MYT1L: variants seen among roughly 807,000 people sequenced by gnomAD.
MYT1L encodes myelin transcription factor 1-like protein.
In MYT1L, 12 loss-of-function variants were observed where a neutral mutation model predicts 126.7. The ratio of observed to expected loss-of-function variants is 0.09; its 90% CI spans 0.06 to 0.15. MYT1L has a LOEUF of 0.15. Among genes scored for constraint, MYT1L ranks in the 10% least tolerant of loss-of-function variants. MYT1L has a pLI of 1.00. For missense variants in MYT1L, 979 were observed against 1,585.2 expected, an observed-to-expected ratio of 0.62 and a Z score of 6.49; for synonymous variants, 541 against 604.2, an observed-to-expected ratio of 0.90 and a Z score of 1.53.
intron 5 of MYT1L, among the ~76,000 whole-genome samples, chr2:1,991,362 T>A (rs532072080): frequency 6.6e-6 from 1 of 152,198 alleles, no homozygotes; most frequent in South Asian, 2.1e-4. Context: ...AGTGACACGA[T>A]CATGGCTCGC....
At position 1,796,788 on chromosome 2, in the gene MYT1L, G is replaced by A. The variant is rs528522404; in HGVS notation, c.3277-4324C>T. On this transcript the variant is annotated intron_variant, in intron 23 of 24. Coordinates refer to ENST00000647738, the MANE Select transcript of MYT1L (RefSeq NM_001303052.2). ...CTCCCGTGTCTGCAGGACTCCCGCC[G>A]TCTCTCCTCGGGCTCCTTGCTCCAG... Among the ~76,000 whole-genome samples, 773 of 152,140 alleles carry A rather than the reference G, an allele frequency of 5.1e-3. 6 individuals are homozygous for A. The highest frequency in any genetic ancestry group is 0.014 in the South Asian group (68 of 4,798).
chr2:1,947,432 C>T (rs1208294625), intron 8 of MYT1L, among the ~76,000 whole-genome samples: 6 of 152,182 alleles, frequency 3.9e-5, no homozygotes, highest in Admixed American at 2.0e-4. Context: ...GACAATGTAT[C>T]CGGCTAGGAG....
chr2:1,903,926 C>T (rs192671632), intron 13 of MYT1L, among the ~76,000 whole-genome samples: 128 of 150,590 alleles, frequency 8.5e-4, no homozygotes, highest in African/African-American at 2.0e-3. Flanking sequence ...GACACCATGT[C>T]GTGTGTGTGT....
intron 3 of MYT1L, among the ~76,000 whole-genome samples, chr2:2,158,277 C>T (rs1309100936): frequency 6.6e-6 from 1 of 151,974 alleles, no homozygotes; most frequent in Admixed American, 6.6e-5. Context: ...GAAAAAAAAC[C>T]CACTTCTGAT....
chr2:2,076,638 TAAG>T (rs2075259910), intron 3 of MYT1L, among the ~76,000 whole-genome samples: 1 of 152,008 alleles, frequency 6.6e-6, no homozygotes, highest in Non-Finnish European at 1.5e-5. Context: ...TACTAAAAAA[TAAG>T]AAGCAACAAG....
At chr2:2,207,838 G>T (rs2093371647) in intron 2 of MYT1L, among the ~76,000 whole-genome samples, 1 of 152,148 alleles carries the variant, frequency 6.6e-6, no homozygotes, top group Admixed American at 6.5e-5. Context: ...CTCAGATTAA[G>T]AAACCCTAGG....
intron 2 of MYT1L, among the ~76,000 whole-genome samples, 167 bp downstream of exon 2, chr2:2,284,237 C>T (rs972835841): frequency 6.6e-6 from 1 of 152,226 alleles, no homozygotes; most frequent in Non-Finnish European, 1.5e-5. Context: ...CTAGACAAGG[C>T]ATACAACTGA....
chr2:2,069,318 C>A (rs1165535082), intron 3 of MYT1L, among the ~76,000 whole-genome samples: 1 of 152,140 alleles, frequency 6.6e-6, no homozygotes, highest in Admixed American at 6.5e-5. Flanking sequence ...TGAGAACATG[C>A]GGTGTTTGGT....
At chr2:2,033,784 C>A (rs2066685495) in intron 4 of MYT1L, among the ~76,000 whole-genome samples, 1 of 152,182 alleles carries the variant, frequency 6.6e-6, no homozygotes, top group Non-Finnish European at 1.5e-5. Context: ...GACATGGTGC[C>A]TGGAGCAGCC....
chr2:2,294,423 T>G (rs992674444), intron 1 of MYT1L, among the ~76,000 whole-genome samples: 1 of 152,148 alleles, frequency 6.6e-6, no homozygotes, highest in Non-Finnish European at 1.5e-5. Flanking sequence ...AATTTTGACT[T>G]GAGCTCAGCA....
At chr2:2,047,165 G>T (rs760525819) in intron 4 of MYT1L, among the ~76,000 whole-genome samples, 6 of 152,084 alleles carry the variant, frequency 3.9e-5, no homozygotes, top group Non-Finnish European at 7.3e-5. Context: ...ACATTGTCTT[G>T]AACGTTCTTT....
intron 8 of MYT1L, among the ~76,000 whole-genome samples, chr2:1,964,603 GT>G (rs2059200112): frequency 6.6e-6 from 1 of 152,028 alleles, no homozygotes; most frequent in Non-Finnish European, 1.5e-5. Context: ...AAAAACAAGG[GT>G]AAAATTTTCT....
intron 2 of MYT1L, among the ~76,000 whole-genome samples, chr2:2,235,030 C>CT (rs1184089126): frequency 1.3e-5 from 2 of 152,172 alleles, no homozygotes; most frequent in Non-Finnish European, 2.9e-5. Flanking sequence ...CTTCCATTGT[C>CT]TCTTGTCTGC....
chr2:2,252,617 G>T (rs2094683344), intron 2 of MYT1L, among the ~76,000 whole-genome samples: 1 of 152,174 alleles, frequency 6.6e-6, no homozygotes, highest in African/African-American at 2.4e-5. Context: ...GGTGTGTGTT[G>T]CTGGTAGATG....
At chr2:1,893,079 C>T (rs995375623) in intron 14 of MYT1L, among the ~76,000 whole-genome samples, 3 of 152,184 alleles carry the variant, frequency 2.0e-5, no homozygotes, top group Non-Finnish European at 4.4e-5. Context: ...GTTCCCTGCA[C>T]TGACCCTCAC....
Position 2,143,686 on chromosome 2 carries a change from A to G in MYT1L, c.-304+29186T>C, listed in dbSNP as rs115040916. Among the ~76,000 whole-genome samples the G allele has an allele frequency of 6.0e-3, 920 of 152,168 alleles. 12 individuals are homozygous for G. The highest frequency in any genetic ancestry group is 0.021 in the African/African-American group (885 of 41,502). On this transcript the variant is annotated intron_variant, in intron 3 of 24. Coordinates refer to ENST00000647738, the MANE Select transcript of MYT1L (RefSeq NM_001303052.2). ...GGCTGAGACATGGGGTGGCATTTGT[A>G]CCCAGGGGATGGGCACAGCTAAAGA...
At chr2:1,996,679 G>A (rs1183956012) in intron 5 of MYT1L, among the ~76,000 whole-genome samples, 1 of 134,090 alleles carries the variant, frequency 7.5e-6, no homozygotes, top group African/African-American at 2.9e-5. Context: ...CTTCAGTGTG[G>A]GCTGCACAGA....
In MYT1L at chr2:2,224,489, C is replaced by G. The variant is rs191719758; in HGVS notation, c.-420-51501G>C. On this transcript the variant is annotated intron_variant, in intron 2 of 24. Transcript: ENST00000647738. The surrounding 1 kb of genome is among the most constrained non-coding windows in gnomAD (Gnocchi z 4.0). ...GGAATTAGATTAGGTTCAGCCTCAT[C>G]GCACCCCATGCCATAACTATTTTTC... 2.0e-5 allele frequency among the ~76,000 whole-genome samples: 3 copies of G among 152,122 alleles called. No homozygotes were observed. In the East Asian group the frequency reaches 5.8e-4, roughly 29 times the overall value.
At chr2:2,206,208 T>C (rs560912387) in intron 2 of MYT1L, among the ~76,000 whole-genome samples, 1 of 152,172 alleles carries the variant, frequency 6.6e-6, no homozygotes, top group South Asian at 2.1e-4. Flanking sequence ...GAACTCCCGA[T>C]CTCAGATGAT....
Sources: allele counts gnomAD v4.1 joint callset (sites outside exome capture counted in the v4.1 genomes callset), GRCh38; gene constraint gnomAD v4.1.1; non-coding constraint Gnocchi (gnomAD v3.1); transcripts MANE v1.5; gene names NCBI Gene and HGNC (gene_info 2026-07-23, HGNC 2026-07-21).